Variants in EZR observed in about 807,000 individuals in gnomAD.
EZR encodes ezrin, also known as cytovillin 2.
A neutral mutation model predicts 74.8 loss-of-function variants in EZR; 40 were observed. The ratio of observed to expected loss-of-function variants is 0.53; its 90% CI spans 0.42 to 0.70. EZR has a LOEUF of 0.70. EZR is among the 30% of genes least tolerant of loss of function. The pLI, the probability that EZR is intolerant of heterozygous loss-of-function variation, is 0.00. For missense variants in EZR, 678 were observed against 755.8 expected (o/e 0.90, Z 1.21); for synonymous variants, 341 against 283.3 (o/e 1.20, Z -2.05).
intron 7 of EZR, among the ~76,000 whole-genome samples, chr6:158,782,903 A>G (rs1225117876): frequency 1.3e-5 from 2 of 152,220 alleles, no homozygotes; most frequent in Non-Finnish European, 1.5e-5. Flanking sequence ...CAGCAGAAAG[A>G]AGGCAAATGC....
At chr6:158,805,337 G>GAA (rs56269785) in intron 2 of EZR, among the ~76,000 whole-genome samples, 1,658 of 116,564 alleles carry the variant, frequency 0.014, 14 homozygotes, top group Non-Finnish European at 0.021. Flanking sequence ...TCCATCTCAG[G>GAA]AAAAAAAAAA....
chr6:158,804,914 TCCCCCCA>T (rs527462484), intron 2 of EZR, among the ~76,000 whole-genome samples: 799 of 44,270 alleles, frequency 0.018, 3 homozygotes, highest in African/African-American at 0.065. Flanking sequence ...CCCTCCCCCC[TCCCCCCA>T]CCCCACAACA....
In EZR at chr6:158,769,366, C is replaced by T. The variant is rs201721119; in HGVS notation, c.1304G>A (p.Arg435Gln). 67 of 1,609,446 alleles carry T rather than the reference C, an allele frequency of 4.2e-5. No homozygotes were observed. Among genetic ancestry groups the T allele is most frequent in the Non-Finnish European group, 4.7e-5 (55 of 1,180,024 alleles). ...TAKIALLEEA[R>Q]RRKEDEVEEW... ...TTCAACTTCATCCTCCTTGCGCCTC[C>T]GCGCCTCTTCCAGGAGGGCAATCTT... The change falls in exon 12 of 14, where the codon CGG becomes CAG. Residue 435 changes from arginine to glutamine, a missense_variant. By Grantham distance (43) the Arg-to-Gln change is conservative. Transcript: ENST00000367075.
intron 1 of EZR, 113 bp from the exon 2 acceptor site, chr6:158,818,279 C>G (rs1055985992): frequency 4.1e-5 from 19 of 462,810 alleles, no homozygotes; most frequent in Non-Finnish European, 6.3e-5. Flanking sequence ...CCAGCCCGGG[C>G]CCGGGTGAGT....
At chr6:158,770,475 A>G (rs1486457934) in intron 10 of EZR, among the ~76,000 whole-genome samples, 1 of 152,186 alleles carries the variant, frequency 6.6e-6, no homozygotes, top group Non-Finnish European at 1.5e-5. Context: ...AAATCACTGT[A>G]CCGCACCAAA....
chr6:158,798,080 T>C (rs1347626443), intron 2 of EZR, among the ~76,000 whole-genome samples: 3 of 152,236 alleles, frequency 2.0e-5, no homozygotes, highest in Non-Finnish European at 2.9e-5. Context: ...AATTTTGTAA[T>C]ATGCAGTCTT....
In EZR at chr6:158,769,774, C is replaced by G. The variant is rs765247383; in HGVS notation, c.1251+10G>C. 1.2e-6 allele frequency: 2 copies of G among 1,613,544 alleles called. No homozygotes were observed. Among genetic ancestry groups the G allele is most frequent in the African/African-American group, 2.7e-5 (2 of 75,044 alleles). On this transcript the variant is annotated intron_variant, in intron 11 of 13. Coordinates refer to ENST00000367075, the MANE Select transcript of EZR (RefSeq NM_001111077.2). Reference sequence around the variant, plus strand: ...ATAATTCAGCATCTTGAAACTCAGGCCATTCCTACCAGCTGCTCCTGGCTC... The same window carrying G: ...ATAATTCAGCATCTTGAAACTCAGGGCATTCCTACCAGCTGCTCCTGGCTC...
At chr6:158,818,769 GGAA>G (rs1421008706) in intron 1 of EZR, among the ~76,000 whole-genome samples, 44 of 150,648 alleles carry the variant, frequency 2.9e-4, no homozygotes, top group African/African-American at 1.1e-3. Flanking sequence ...ACACCTAGGA[GGAA>G]GGAGTCCCGG....
Position 158,786,072 on chromosome 6 carries a change from C to CAA in EZR, c.193-491_193-490dup, listed in dbSNP as rs1329074133. On this transcript the variant is annotated intron_variant, in intron 4 of 13. Coordinates refer to ENST00000367075, the MANE Select transcript of EZR (RefSeq NM_001111077.2). Reference sequence around the variant, plus strand: ...TCTCTTCTTAAAAAACAACAACAAACAAACAAAAACAAAAAAACAGGCCAG... The same window carrying CAA: ...TCTCTTCTTAAAAAACAACAACAAACAAAAACAAAAACAAAAAAACAGGCCAG... Among the ~76,000 whole-genome samples the CAA allele has an allele frequency of 1.7e-3, 242 of 145,974 alleles. 1 individual carries two copies. Among genetic ancestry groups the CAA allele is most frequent in the African/African-American group, 5.8e-3 (229 of 39,410 alleles).
At chr6:158,781,926 A>G (rs905748924) in intron 7 of EZR, among the ~76,000 whole-genome samples, 1 of 151,162 alleles carries the variant, frequency 6.6e-6, no homozygotes, top group Non-Finnish European at 1.5e-5. Flanking sequence ...TAGCCAGCTA[A>G]TTTTTTAAAT....
chr6:158,776,535 G>C, intron 7 of EZR, 31 bp from the exon 8 acceptor site: 1 of 1,475,086 alleles, frequency 6.8e-7, no homozygotes. Context: ...TGGATGGTTA[G>C]ATGTATACAT....
In EZR at chr6:158,814,280, G is replaced by A. The variant is rs570911647; in HGVS notation, c.12+3802C>T. Among the ~76,000 whole-genome samples, 9 of 152,198 alleles carry A rather than the reference G, an allele frequency of 5.9e-5. No homozygotes were observed. The East Asian group carries it at 1.5e-3, about 26-fold the overall frequency. Reference sequence around the variant, plus strand: ...TCCTCCCTGTGGAGTGCTGCCGCGTGCGCCCCCCAGCCCTCAAGCAAGATT... The same window carrying A: ...TCCTCCCTGTGGAGTGCTGCCGCGTACGCCCCCCAGCCCTCAAGCAAGATT... On this transcript the variant is annotated intron_variant, in intron 2 of 13. Transcript: ENST00000367075.
At chr6:158,814,545 C>CTTTT in intron 2 of EZR, among the ~76,000 whole-genome samples, 1 of 127,378 alleles carries the variant, frequency 7.9e-6, no homozygotes, top group African/African-American at 3.1e-5. Flanking sequence ...TGAATAAAGT[C>CTTTT]TTTTTTTTTT....
intron 2 of EZR, among the ~76,000 whole-genome samples, chr6:158,791,706 A>ATTTTTTTTTTTTTTTTTTTTTTT (rs57581855): frequency 1.0e-5 from 1 of 96,262 alleles, no homozygotes; most frequent in African/African-American, 4.1e-5. Context: ...TTCAGACTCC[A>ATTTTTTTTTTTTTTTTTTTTTTT]TTTTTTTTTT....
At chr6:158,804,920 C>G (rs551012008) in intron 2 of EZR, among the ~76,000 whole-genome samples, 9 of 123,692 alleles carry the variant, frequency 7.3e-5, no homozygotes, top group Non-Finnish European at 1.0e-4. Flanking sequence ...CCCCTCCCCC[C>G]ACCCCACAAC....
At chr6:158,812,602 A>C (rs2128577218) in intron 2 of EZR, among the ~76,000 whole-genome samples, 1 of 152,346 alleles carries the variant, frequency 6.6e-6, no homozygotes, top group South Asian at 2.1e-4. Context: ...GGATTTAAAA[A>C]TAACGTAGTT....
chr6:158,807,811 C>T (rs796791081), intron 2 of EZR, among the ~76,000 whole-genome samples: 4 of 152,152 alleles, frequency 2.6e-5, no homozygotes, highest in East Asian at 3.8e-4. Context: ...GAGGAAGGCA[C>T]GGCTCCCTTT....
chr6:158,803,570 TATATATATATAC>T (rs1777247019), intron 2 of EZR, among the ~76,000 whole-genome samples: 8 of 7,854 alleles, frequency 1.0e-3, no homozygotes, highest in East Asian at 4.5e-3. Flanking sequence ...TATATATATA[TATATATATATAC>T]ATATATATAT....
intron 8 of EZR, among the ~76,000 whole-genome samples, chr6:158,776,087 G>A (rs752455943): frequency 5.3e-5 from 8 of 152,224 alleles, no homozygotes; most frequent in Non-Finnish European, 1.0e-4. Context: ...TCCGTCAGGT[G>A]CCGGGGAGAG....
Sources: gnomAD v4.1 joint callset for allele counts (sites outside exome capture counted in the v4.1 genomes callset) on GRCh38, gnomAD v4.1.1 for gene constraint, MANE v1.5 for transcripts, NCBI Gene and HGNC (gene_info 2026-07-23, HGNC 2026-07-21) for gene names.